The following GRM5 variants were observed in gnomAD, a reference collection of about 807,000 sequenced individuals.
GRM5 encodes the protein glutamate metabotropic receptor 5.
Under a neutral mutation model 83.1 loss-of-function variants are expected in GRM5, and 19 were observed. The observed-to-expected ratio is 0.23, with a 90% CI of 0.16 to 0.34. The LOEUF (loss-of-function observed/expected upper bound fraction) is 0.34. GRM5 is among the 10% of genes least tolerant of loss of function. The probability of loss-of-function intolerance (pLI) is 1.00; values close to 1 mark genes in which losing one functional copy is unlikely to be tolerated. For synonymous variants in GRM5, 675 were observed against 633.6 expected (o/e 1.07, Z -0.98); for missense variants, 1,160 against 1,588.3 (o/e 0.73, Z 4.58).
chr11:88,900,878 G>A (rs1379303817), intron 2 of GRM5, among the ~76,000 whole-genome samples: 1 of 152,134 alleles, frequency 6.6e-6, no homozygotes, highest in Non-Finnish European at 1.5e-5. Context: ...GGAAAATGAT[G>A]TTGTCAAAAC....
At chr11:88,585,036 C>T (rs1485152557) in intron 7 of GRM5, among the ~76,000 whole-genome samples, 1 of 152,166 alleles carries the variant, frequency 6.6e-6, no homozygotes, top group Admixed American at 6.5e-5. Flanking sequence ...GGTCATAAGA[C>T]CCTCATGTGA....
chr11:88,569,862 G>C (rs1942950261), intron 7 of GRM5, among the ~76,000 whole-genome samples: 1 of 152,158 alleles, frequency 6.6e-6, no homozygotes, highest in Non-Finnish European at 1.5e-5. Flanking sequence ...CTATTAACTT[G>C]TCCTATCCCA....
At chr11:88,599,256 C>T (rs969197732) in intron 5 of GRM5, among the ~76,000 whole-genome samples, 1 of 152,156 alleles carries the variant, frequency 6.6e-6, no homozygotes, top group Admixed American at 6.5e-5. Context: ...TGGAAAATCA[C>T]ATTTGACAGG....
At chr11:88,956,947 G>A (rs535099152) in intron 2 of GRM5, among the ~76,000 whole-genome samples, 1 of 151,020 alleles carries the variant, frequency 6.6e-6, no homozygotes, top group South Asian at 2.1e-4. Flanking sequence ...TGAGAACTTA[G>A]GAAGGTAATG....
chr11:88,648,657 A>T (rs1021737596), intron 4 of GRM5, among the ~76,000 whole-genome samples: 39 of 116,366 alleles, frequency 3.4e-4, no homozygotes, highest in African/African-American at 9.4e-4. Flanking sequence ...GTATAATAAA[A>T]AAAAAAAAAG....
chr11:88,750,086 A>G (rs1942234219), intron 3 of GRM5, among the ~76,000 whole-genome samples: 1 of 152,182 alleles, frequency 6.6e-6, no homozygotes, highest in Admixed American at 6.6e-5. Flanking sequence ...CACATATATC[A>G]ATACTAACCT....
intron 2 of GRM5, among the ~76,000 whole-genome samples, chr11:88,964,133 A>C (rs1325121848): frequency 6.6e-6 from 1 of 152,150 alleles, no homozygotes; most frequent in East Asian, 1.9e-4. Flanking sequence ...TTGATTTTGT[A>C]ACTTAGGTTG....
intron 3 of GRM5, among the ~76,000 whole-genome samples, chr11:88,843,503 C>T (rs1347753959): frequency 6.6e-6 from 1 of 152,106 alleles, no homozygotes; most frequent in Non-Finnish European, 1.5e-5. Flanking sequence ...TCTGATTGTC[C>T]TACCCACTGG....
At position 88,559,032 on chromosome 11, in the gene GRM5, CTCAAT is replaced by C. The variant is rs551442922; in HGVS notation, c.2630+8016_2630+8020del. 4.6e-3 allele frequency among the ~76,000 whole-genome samples: 698 copies of C among 152,030 alleles called. 3 individuals carry two copies. Among genetic ancestry groups the C allele is most frequent in the Non-Finnish European group, 6.8e-3 (465 of 67,968 alleles). ...TATACCAAAAAGTAGTGTAAGTCTT[CTCAAT>C]TCCTGTAAAAATATTATACATAATA... On this transcript the variant is annotated intron_variant, in intron 8 of 9. Coordinates refer to ENST00000305447, the MANE Select transcript of GRM5 (RefSeq NM_001143831.3).
At chr11:88,966,833 T>C (rs746024007) in intron 2 of GRM5, among the ~76,000 whole-genome samples, 1 of 152,136 alleles carries the variant, frequency 6.6e-6, no homozygotes, top group African/African-American at 2.4e-5. Flanking sequence ...GCGCATACTA[T>C]GGCAGATAAT....
At chr11:88,916,997 C>T (rs558002607) in intron 2 of GRM5, among the ~76,000 whole-genome samples, 2 of 152,224 alleles carry the variant, frequency 1.3e-5, no homozygotes, top group South Asian at 4.2e-4. Flanking sequence ...ATACAGCAGC[C>T]ATAGCCAGAC....
chr11:88,640,241 C>T (rs568013474), intron 4 of GRM5, among the ~76,000 whole-genome samples: 1 of 152,152 alleles, frequency 6.6e-6, no homozygotes, highest in South Asian at 2.1e-4. Flanking sequence ...GGATATTTTA[C>T]TACATGCACT....
chr11:88,746,609 A>C (rs1942149800), intron 3 of GRM5, among the ~76,000 whole-genome samples: 2 of 152,000 alleles, frequency 1.3e-5, no homozygotes, highest in Non-Finnish European at 2.9e-5. Context: ...ATCTTTTTCC[A>C]ATATACGAGC....
intron 8 of GRM5, among the ~76,000 whole-genome samples, chr11:88,557,820 G>C (rs1480768360): frequency 2.0e-5 from 3 of 150,606 alleles, no homozygotes; most frequent in African/African-American, 7.3e-5. Flanking sequence ...TGTTACATAG[G>C]TATACACGTG....
At chr11:88,888,057 T>C (rs894049210) in intron 2 of GRM5, among the ~76,000 whole-genome samples, 5 of 152,068 alleles carry the variant, frequency 3.3e-5, no homozygotes, top group Non-Finnish European at 7.4e-5. Context: ...ATCTCTAAAA[T>C]TTTCCATTCC....
At chr11:88,978,948 G>A (rs1939434106) in intron 2 of GRM5, among the ~76,000 whole-genome samples, 1 of 152,148 alleles carries the variant, frequency 6.6e-6, no homozygotes, top group African/African-American at 2.4e-5. Context: ...TTTACTGTGT[G>A]AGAAAAGACA....
At chr11:88,753,342 T>C (rs1942324341) in intron 3 of GRM5, among the ~76,000 whole-genome samples, 1 of 151,708 alleles carries the variant, frequency 6.6e-6, no homozygotes, top group African/African-American at 2.4e-5. Flanking sequence ...AATAAACATA[T>C]GAAAAAAGCT....
At chr11:88,517,433 T>C (rs934228258) in intron 9 of GRM5, among the ~76,000 whole-genome samples, 1 of 152,154 alleles carries the variant, frequency 6.6e-6, no homozygotes. Flanking sequence ...AAAAAAAGTT[T>C]TAAAAAATGA....
chr11:88,509,579 G>T (rs933144020), intron 9 of GRM5, 75 bp from the exon 10 acceptor site: 3 of 1,058,576 alleles, frequency 2.8e-6, no homozygotes, highest in Admixed American at 4.0e-5. Flanking sequence ...CCCAATGGTG[G>T]TTGCTCATGG....
Sources: allele counts gnomAD v4.1 joint callset (sites outside exome capture counted in the v4.1 genomes callset), GRCh38; gene constraint gnomAD v4.1.1; transcripts MANE v1.5; gene names NCBI Gene and HGNC (gene_info 2026-07-23, HGNC 2026-07-21).